The following RGPD6 variants were observed in gnomAD, a reference collection of about 807,000 sequenced individuals.
RGPD6 encodes RANBP2-like and GRIP domain-containing protein 5/6.
At chr2:110,594,262 A>G in the RGPD6 span, among the ~76,000 whole-genome samples, 68 of 142,026 alleles carry the variant, frequency 4.8e-4, 1 homozygote, top group Non-Finnish European at 8.2e-4. Flanking sequence ...TAGGAACAGA[A>G]GGAAACTTCC....
At chr2:110,604,764 GT>G in the RGPD6 span, among the ~76,000 whole-genome samples, 11 of 145,896 alleles carry the variant, frequency 7.5e-5, no homozygotes, top group South Asian at 2.2e-4. Flanking sequence ...ATATTGAGAG[GT>G]TTTTTTTTCT....
the RGPD6 span, among the ~76,000 whole-genome samples, chr2:110,605,998 T>C: frequency 0.042 from 6,344 of 151,556 alleles, 577 homozygotes; most frequent in African/African-American, 0.15. Flanking sequence ...GGCTTATTCT[T>C]CTATTAAGTT....
chr2:110,607,310 G>C, the RGPD6 span, among the ~76,000 whole-genome samples: 2 of 151,614 alleles, frequency 1.3e-5, no homozygotes, highest in Non-Finnish European at 1.5e-5. Context: ...AAGTTCTCCA[G>C]TCTTGCTTCA....
the RGPD6 span, among the ~76,000 whole-genome samples, chr2:110,600,931 C>A: frequency 5.3e-5 from 8 of 149,672 alleles, no homozygotes; most frequent in African/African-American, 1.7e-4. Context: ...GGGCTGGGGA[C>A]CCCTGCACTC....
chr2:110,605,876 C>T, the RGPD6 span, among the ~76,000 whole-genome samples: 1 of 151,308 alleles, frequency 6.6e-6, no homozygotes, highest in African/African-American at 2.5e-5. Flanking sequence ...AATTCTACTC[C>T]AGGACCCATT....
At chr2:110,576,894 CCCCCCCT>C (rs1688395904) in intron 1 of RGPD6, 52 bp downstream of exon 1, 1 of 708,162 alleles carries the variant, frequency 1.4e-6, no homozygotes, top group Non-Finnish European at 1.8e-6. Flanking sequence ...CGCCGCCGCC[CCCCCCCT>C]CCCCCCCCGG....
At chr2:110,602,272 TAG>T in the RGPD6 span, among the ~76,000 whole-genome samples, 1 of 143,162 alleles carries the variant, frequency 7.0e-6, no homozygotes, top group Non-Finnish European at 1.5e-5. Context: ...GGGTTCCACG[TAG>T]AGTCTTCAGT....
chr2:110,593,326 T>C, the RGPD6 span, among the ~76,000 whole-genome samples: 3 of 147,726 alleles, frequency 2.0e-5, no homozygotes, highest in Non-Finnish European at 4.4e-5. Flanking sequence ...GTATGATGTC[T>C]GGCCAAGAAA....
At chr2:110,605,968 T>C in the RGPD6 span, among the ~76,000 whole-genome samples, 3 of 151,672 alleles carry the variant, frequency 2.0e-5, no homozygotes, top group African/African-American at 7.3e-5. Flanking sequence ...CAGCCTTGGA[T>C]TGCAGGTATT....
At chr2:110,591,325 G>A in the RGPD6 span, among the ~76,000 whole-genome samples, 1 of 146,882 alleles carries the variant, frequency 6.8e-6, no homozygotes, top group African/African-American at 2.6e-5. Context: ...ATTTTGAGAT[G>A]GCAGTGAACA....
the RGPD6 span, among the ~76,000 whole-genome samples, chr2:110,590,928 ATAAGT>A: frequency 9.1e-6 from 1 of 109,544 alleles, no homozygotes; most frequent in Admixed American, 9.8e-5. Context: ...TCGTTTAAAA[ATAAGT>A]TAAATCATAG....
At chr2:110,596,790 C>A in the RGPD6 span, among the ~76,000 whole-genome samples, 1 of 134,314 alleles carries the variant, frequency 7.4e-6, no homozygotes, top group Non-Finnish European at 1.6e-5. Context: ...ATTAGAATTC[C>A]ACTAGTCTAA....
chr2:110,599,137 A>AC, the RGPD6 span, among the ~76,000 whole-genome samples: 3 of 148,320 alleles, frequency 2.0e-5, no homozygotes, highest in Non-Finnish European at 4.4e-5. Flanking sequence ...TGAGTAGGGT[A>AC]CCCCCGTACA....
chr2:110,600,729 A>T, the RGPD6 span, among the ~76,000 whole-genome samples: 395 of 54,782 alleles, frequency 7.2e-3, no homozygotes, highest in Middle Eastern at 0.019. Context: ...CTCGGTTCAC[A>T]ATAGGGTTCA....
chr2:110,610,833 C>A, the RGPD6 span: 8 of 1,038,536 alleles, frequency 7.7e-6, no homozygotes, highest in Non-Finnish European at 8.1e-6. Flanking sequence ...GAAGCTCGGG[C>A]CGCCCGCGCG....
chr2:110,609,407 CCGTT>C, the RGPD6 span, among the ~76,000 whole-genome samples: 1 of 131,630 alleles, frequency 7.6e-6, no homozygotes, highest in Non-Finnish European at 1.6e-5. Context: ...TTATAAGAAA[CCGTT>C]CGATAATGTG....
chr2:110,605,916 C>T, the RGPD6 span, among the ~76,000 whole-genome samples: 1 of 151,504 alleles, frequency 6.6e-6, no homozygotes, highest in South Asian at 2.1e-4. Flanking sequence ...GAATATCTTA[C>T]TTTCAACAGG....
the RGPD6 span, among the ~76,000 whole-genome samples, chr2:110,610,438 G>A: frequency 6.7e-6 from 1 of 149,428 alleles, no homozygotes; most frequent in Non-Finnish European, 1.5e-5. Flanking sequence ...TCCTCCCCAC[G>A]GCTGCGCTCT....
chr2:110,608,402 A>C, the RGPD6 span, among the ~76,000 whole-genome samples: 1 of 151,384 alleles, frequency 6.6e-6, no homozygotes, highest in East Asian at 1.9e-4. Context: ...TTCAAATAAG[A>C]AAACAATGGA....
Sources: allele counts gnomAD v4.1 joint callset (sites outside exome capture counted in the v4.1 genomes callset), GRCh38; gene constraint gnomAD v4.1.1; transcripts MANE v1.5; gene names NCBI Gene and HGNC (gene_info 2026-07-23, HGNC 2026-07-21).